The following BBS9 variants were observed in gnomAD, a reference collection of about 807,000 sequenced individuals.
The protein encoded by BBS9 is protein PTHB1.
Under a neutral mutation model 117.7 loss-of-function variants are expected in BBS9, and 89 were observed. That is an observed-to-expected ratio of 0.76 (90% confidence interval 0.64 to 0.90). The LOEUF is 0.90. Among genes scored for constraint, BBS9 ranks in the 40% least tolerant of loss-of-function variants. BBS9 has a pLI of 0.00. For synonymous variants in BBS9, 379 were observed against 370.9 expected (o/e 1.02, Z -0.25); for missense variants, 982 against 1,042.2 (o/e 0.94, Z 0.80).
At chr7:33,161,939 A>C (rs1227783378) in intron 4 of BBS9, among the ~76,000 whole-genome samples, 1 of 152,170 alleles carries the variant, frequency 6.6e-6, no homozygotes, top group Non-Finnish European at 1.5e-5. Context: ...GTGTCTGTTC[A>C]TATCCTTTGC....
At chr7:33,453,183 C>G (rs1394298587) in intron 19 of BBS9, among the ~76,000 whole-genome samples, 1 of 152,160 alleles carries the variant, frequency 6.6e-6, no homozygotes, top group African/African-American at 2.4e-5. Context: ...AAGACACATT[C>G]TTTTTGCTCT....
chr7:33,566,873 T>C (rs1265022698), intron 21 of BBS9, among the ~76,000 whole-genome samples: 8 of 152,206 alleles, frequency 5.3e-5, no homozygotes, highest in Non-Finnish European at 1.2e-4. Flanking sequence ...AGAACAAATA[T>C]TAGATCCTTT....
intron 9 of BBS9, among the ~76,000 whole-genome samples, chr7:33,275,539 C>A (rs1395910701): frequency 6.6e-6 from 1 of 151,176 alleles, no homozygotes; most frequent in African/African-American, 2.4e-5. Context: ...AGTGACAGTT[C>A]ATTTGCAAAA....
At chr7:33,368,455 A>G (rs2128715847) in intron 17 of BBS9, among the ~76,000 whole-genome samples, 1 of 152,282 alleles carries the variant, frequency 6.6e-6, no homozygotes, top group African/African-American at 2.4e-5. Context: ...ATGTAAAACT[A>G]GCTCTTGACA....
intron 19 of BBS9, among the ~76,000 whole-genome samples, chr7:33,435,687 A>G (rs1355491957): frequency 2.6e-5 from 4 of 152,164 alleles, no homozygotes; most frequent in Admixed American, 6.6e-5. Flanking sequence ...AGTTTGCCCC[A>G]TTTGCAGGAA....
At chr7:33,144,304 T>C (rs1308801435) in intron 1 of BBS9, among the ~76,000 whole-genome samples, 3 of 152,240 alleles carry the variant, frequency 2.0e-5, no homozygotes, top group Non-Finnish European at 1.5e-5. Context: ...ATGCTTACTT[T>C]AAGAGGCAGG....
At chr7:33,265,953 T>C (rs907358659) in intron 7 of BBS9, among the ~76,000 whole-genome samples, 1 of 152,142 alleles carries the variant, frequency 6.6e-6, no homozygotes, top group Admixed American at 6.5e-5. Context: ...AACTTACTGA[T>C]AATGGTAATT....
chr7:33,561,215 T>C (rs1856038309), intron 21 of BBS9, among the ~76,000 whole-genome samples: 1 of 152,076 alleles, frequency 6.6e-6, no homozygotes. Flanking sequence ...TGCTTTAGAG[T>C]TGTGGAGTTC....
chr7:33,323,520 T>C (rs1012218513), intron 9 of BBS9, among the ~76,000 whole-genome samples: 12 of 152,074 alleles, frequency 7.9e-5, no homozygotes, highest in Admixed American at 3.3e-4. Context: ...ATAGTTTTTG[T>C]CATGAAATCT....
At chr7:33,407,928 T>A (rs1351833248) in intron 19 of BBS9, among the ~76,000 whole-genome samples, 2 of 152,240 alleles carry the variant, frequency 1.3e-5, no homozygotes, top group African/African-American at 4.8e-5. Flanking sequence ...TTCTCAGATC[T>A]CCAGCTGCAT....
intron 9 of BBS9, among the ~76,000 whole-genome samples, chr7:33,316,061 A>T (rs184427003): frequency 1.3e-5 from 2 of 152,288 alleles, no homozygotes; most frequent in East Asian, 3.9e-4. Flanking sequence ...CTCAAGTTAT[A>T]GAACATTTCC....
chr7:33,263,164 A>G (rs115032215), intron 6 of BBS9, among the ~76,000 whole-genome samples: 4,397 of 152,238 alleles, frequency 0.029, 161 homozygotes, highest in African/African-American at 0.079. Flanking sequence ...ATGTCTTGGA[A>G]AATTTAAATC....
In BBS9 at chr7:33,357,794, A is replaced by AT. The variant is rs577796747; in HGVS notation, c.1553-52dup. 1,145 of 1,522,964 alleles carry AT rather than the reference A, an allele frequency of 7.5e-4. 9 individuals are homozygous for AT. The East Asian group carries it at 0.015, about 20-fold the overall frequency. 94.3% of individuals were successfully genotyped at this position (1,522,964 alleles called of 1,614,324 possible). On this transcript the variant is annotated intron_variant, in intron 15 of 22. Coordinates refer to ENST00000242067, the MANE Select transcript of BBS9 (RefSeq NM_198428.3). ...TGCTGCTCAAACTATTAGTAGTACA[A>AT]TTTTTTTTTGCCAAATTATTTGTCA...
intron 19 of BBS9, among the ~76,000 whole-genome samples, chr7:33,408,153 C>T (rs1014960525): frequency 6.6e-6 from 1 of 152,194 alleles, no homozygotes; most frequent in Non-Finnish European, 1.5e-5. Flanking sequence ...GGGCGCCCCT[C>T]CCCCAGCCTC....
intron 4 of BBS9, among the ~76,000 whole-genome samples, chr7:33,163,704 A>C (rs1335988452): frequency 6.6e-6 from 1 of 152,074 alleles, no homozygotes; most frequent in Non-Finnish European, 1.5e-5. Context: ...TGTTGCGTCT[A>C]TTTGATTCTT....
chr7:33,588,803 T>C (rs1861390846), intron 21 of BBS9, among the ~76,000 whole-genome samples: 1 of 151,976 alleles, frequency 6.6e-6, no homozygotes, highest in Non-Finnish European at 1.5e-5. Flanking sequence ...GGGACAAGTG[T>C]TTCAGGTAAA....
intron 9 of BBS9, among the ~76,000 whole-genome samples, chr7:33,274,747 C>A (rs187079568): frequency 6.6e-6 from 1 of 152,162 alleles, no homozygotes; most frequent in African/African-American, 2.4e-5. Flanking sequence ...GTAATCCCAG[C>A]TCTTTGGGAG....
chr7:33,272,350 G>A (rs1799939633), intron 7 of BBS9, among the ~76,000 whole-genome samples: 1 of 152,042 alleles, frequency 6.6e-6, no homozygotes, highest in South Asian at 2.1e-4. Flanking sequence ...TGAACCTAAA[G>A]TAAAAGTTAG....
At chr7:33,555,332 C>A (rs1206828177) in intron 21 of BBS9, among the ~76,000 whole-genome samples, 2 of 152,210 alleles carry the variant, frequency 1.3e-5, no homozygotes, top group Non-Finnish European at 2.9e-5. Flanking sequence ...AGGTCAATTT[C>A]TTTACTTATT....
Sources: allele counts gnomAD v4.1 joint callset (sites outside exome capture counted in the v4.1 genomes callset), GRCh38; gene constraint gnomAD v4.1.1; transcripts MANE v1.5; gene names NCBI Gene and HGNC (gene_info 2026-07-23, HGNC 2026-07-21).